Variants in CNTNAP2 observed in about 807,000 individuals in gnomAD.
The protein encoded by CNTNAP2 is contactin-associated protein-like 2.
Under a neutral mutation model 155.2 loss-of-function variants are expected in CNTNAP2, and 98 were observed. The ratio of observed to expected loss-of-function variants is 0.63; its 90% CI spans 0.54 to 0.75. CNTNAP2 has a LOEUF of 0.75. Ranked by LOEUF, CNTNAP2 falls within the 30% of genes least tolerant of loss-of-function variation. The probability of loss-of-function intolerance (pLI) is 0.00; values close to 1 mark genes in which losing one functional copy is unlikely to be tolerated. For missense variants in CNTNAP2, 1,727 were observed against 1,688.1 expected, an observed-to-expected ratio of 1.02 and a Z score of -0.40; for synonymous variants, 651 against 631.2, an observed-to-expected ratio of 1.03 and a Z score of -0.47.
At chr7:146,515,746 C>T (rs933113277) in intron 1 of CNTNAP2, among the ~76,000 whole-genome samples, 1 of 152,020 alleles carries the variant, frequency 6.6e-6, no homozygotes, top group African/African-American at 2.4e-5. Context: ...CAGAAAACCA[C>T]TGGTCCTATG....
intron 21 of CNTNAP2, among the ~76,000 whole-genome samples, chr7:148,352,324 C>G (rs1401911408): frequency 1.3e-5 from 2 of 152,170 alleles, no homozygotes; most frequent in Non-Finnish European, 2.9e-5. Flanking sequence ...GCAAGGTGGA[C>G]TCAGACACTG....
intron 10 of CNTNAP2, among the ~76,000 whole-genome samples, chr7:147,467,619 T>C (rs544624870): frequency 6.6e-6 from 1 of 152,308 alleles, no homozygotes; most frequent in South Asian, 2.1e-4. Flanking sequence ...AAGCTCAGAC[T>C]TCACCATATA....
intron 9 of CNTNAP2, among the ~76,000 whole-genome samples, chr7:147,308,702 G>T (rs531364513): frequency 6.6e-6 from 1 of 152,102 alleles, no homozygotes; most frequent in Non-Finnish European, 1.5e-5. Context: ...TTCTGTATGT[G>T]GTCATAGTTC....
intron 1 of CNTNAP2, among the ~76,000 whole-genome samples, chr7:146,533,107 C>CAA (rs553035616): frequency 7.9e-4 from 38 of 47,834 alleles, no homozygotes; most frequent in South Asian, 2.1e-3. Flanking sequence ...GACCCTGTCT[C>CAA]AAAAAAAAAA....
At chr7:148,415,302 G>T (rs2116729638) in intron 23 of CNTNAP2, 115 bp from the exon 24 acceptor site, 2 of 1,052,010 alleles carry the variant, frequency 1.9e-6, no homozygotes, top group Admixed American at 3.9e-5. Flanking sequence ...TGTTTTGGAG[G>T]TTGTGTTTTA....
intron 21 of CNTNAP2, among the ~76,000 whole-genome samples, chr7:148,308,554 T>TTTAG (rs1491265933): frequency 0.016 from 18 of 1,146 alleles, no homozygotes; most frequent in African/African-American, 0.018. Flanking sequence ...TATTTATGTA[T>TTTAG]TTATTTATTT....
chr7:147,885,653 C>G (rs1185015750), intron 13 of CNTNAP2, among the ~76,000 whole-genome samples: 5 of 152,098 alleles, frequency 3.3e-5, no homozygotes, highest in Non-Finnish European at 7.3e-5. Context: ...TCACCTTAAC[C>G]TCTTAAAGCT....
chr7:146,971,362 TC>T (rs780177374), intron 3 of CNTNAP2, among the ~76,000 whole-genome samples: 6 of 152,168 alleles, frequency 3.9e-5, no homozygotes, highest in Non-Finnish European at 8.8e-5. Flanking sequence ...GGAAAGGCTT[TC>T]TTTTGAGGAA....
intron 3 of CNTNAP2, among the ~76,000 whole-genome samples, chr7:146,903,192 G>A (rs1796041469): frequency 6.6e-6 from 1 of 152,192 alleles, no homozygotes; most frequent in Non-Finnish European, 1.5e-5. Flanking sequence ...GCCATGCACA[G>A]TGCGATCAAA....
intron 3 of CNTNAP2, among the ~76,000 whole-genome samples, chr7:146,851,650 CTGTGTGTGTGTGTGTGTG>C (rs71165041): frequency 0.019 from 2,506 of 133,094 alleles, 46 homozygotes; most frequent in African/African-American, 0.042. Flanking sequence ...CATCTTTCTT[CTGTGTGTGTGTGTGTGTG>C]TGTGTGTGTG....
intron 22 of CNTNAP2, among the ~76,000 whole-genome samples, chr7:148,400,257 C>G (rs866266962): frequency 5.9e-5 from 9 of 152,232 alleles, no homozygotes; most frequent in Non-Finnish European, 1.2e-4. Context: ...CAGCCCCTTC[C>G]GGGGCACCCT....
chr7:148,253,797 A>G (rs972838690), intron 20 of CNTNAP2, among the ~76,000 whole-genome samples: 4 of 152,162 alleles, frequency 2.6e-5, no homozygotes, highest in Admixed American at 1.3e-4. Context: ...CTGACATGAC[A>G]ACCTACTGGC....
chr7:147,123,386 C>T (rs1801160091), intron 6 of CNTNAP2, among the ~76,000 whole-genome samples: 1 of 152,116 alleles, frequency 6.6e-6, no homozygotes, highest in African/African-American at 2.4e-5. Flanking sequence ...GGTCATAAAC[C>T]CTGTTGAGTG....
intron 3 of CNTNAP2, among the ~76,000 whole-genome samples, chr7:146,962,031 C>T (rs994234335): frequency 6.6e-6 from 1 of 152,076 alleles, no homozygotes; most frequent in Non-Finnish European, 1.5e-5. Flanking sequence ...GCAGTGGTTA[C>T]TTTTGTGACC....
At position 146,150,291 on chromosome 7, in the gene CNTNAP2, T is replaced by C. The variant is rs1038105514; in HGVS notation, c.97+33318T>C. On this transcript the variant is annotated intron_variant, in intron 1 of 23. Transcript: ENST00000361727. ...AAGAGGTGAAGTAACTAAACTCACATACTCTGCTGGTTGGAATGAAAAATC... is the reference window on the plus strand; with the variant it reads ...AAGAGGTGAAGTAACTAAACTCACACACTCTGCTGGTTGGAATGAAAAATC... Among the ~76,000 whole-genome samples the C allele has an allele frequency of 2.0e-5, 3 of 152,236 alleles. No individual in the cohort carries two copies. In the East Asian group the frequency reaches 5.8e-4, roughly 29 times the overall value.
chr7:147,671,130 C>T (rs963574256), intron 13 of CNTNAP2, among the ~76,000 whole-genome samples: 37 of 152,198 alleles, frequency 2.4e-4, no homozygotes, highest in Admixed American at 2.0e-4. Flanking sequence ...CTGGCTCCTG[C>T]CTGCGCTGAA....
At chr7:146,956,843 A>C (rs192059717) in intron 3 of CNTNAP2, among the ~76,000 whole-genome samples, 1 of 152,270 alleles carries the variant, frequency 6.6e-6, no homozygotes, top group East Asian at 1.9e-4. Flanking sequence ...ACGAAACAAG[A>C]ATAGCATGGG....
rs540486346 is a variant in CNTNAP2 at position 146,195,793 on chromosome 7, C to T, written c.97+78820C>T. ...AACCTCCTGAAGCCTTGGCCCTTTGCCTACAACGCACGCCTCAGAATGATG... is the reference window on the plus strand; with the variant it reads ...AACCTCCTGAAGCCTTGGCCCTTTGTCTACAACGCACGCCTCAGAATGATG... On this transcript the variant is annotated intron_variant, in intron 1 of 23. Transcript: ENST00000361727. Among the ~76,000 whole-genome samples, 28 of 152,302 alleles carry T rather than the reference C, an allele frequency of 1.8e-4. No individual in the cohort carries two copies. In the East Asian group the frequency reaches 5.0e-3, roughly 27 times the overall value.
intron 8 of CNTNAP2, among the ~76,000 whole-genome samples, chr7:147,230,688 G>T (rs1395088845): frequency 2.0e-5 from 3 of 152,098 alleles, no homozygotes; most frequent in Admixed American, 6.5e-5. Context: ...TAGACCTCTA[G>T]AACTTGTTCA....
Sources: gnomAD v4.1 joint callset for allele counts (sites outside exome capture counted in the v4.1 genomes callset) on GRCh38, gnomAD v4.1.1 for gene constraint, MANE v1.5 for transcripts, NCBI Gene and HGNC (gene_info 2026-07-23, HGNC 2026-07-21) for gene names.